Variants in TSHZ2 observed in about 807,000 individuals in gnomAD.
The protein encoded by TSHZ2 is teashirt zinc finger homeobox 2.
TSHZ2 carries 21 observed loss-of-function variants against 74.4 expected under a neutral mutation model. That is an observed-to-expected ratio of 0.28 (90% CI 0.20 to 0.41). The LOEUF is 0.41. TSHZ2 is among the 10% of genes least tolerant of loss of function. TSHZ2 has a pLI of 1.00. For synonymous variants in TSHZ2, 540 were observed against 515.3 expected (o/e 1.05, Z -0.65); for missense variants, 1,244 against 1,293.5 (o/e 0.96, Z 0.59).
chr20:53,033,017 A>G (rs1231215602), intron 1 of TSHZ2, among the ~76,000 whole-genome samples: 1 of 152,220 alleles, frequency 6.6e-6, no homozygotes, highest in Non-Finnish European at 1.5e-5. Flanking sequence ...ATAAGCTTTC[A>G]GATACTAGAA....
chr20:53,459,335 CT>C (rs1303293841), intron 2 of TSHZ2, among the ~76,000 whole-genome samples: 1 of 152,084 alleles, frequency 6.6e-6, no homozygotes, highest in Non-Finnish European at 1.5e-5. Flanking sequence ...CTCTTTTGAT[CT>C]TTGTTGGTTT....
At chr20:52,998,727 T>A (rs1051742616) in intron 1 of TSHZ2, among the ~76,000 whole-genome samples, 9 of 152,220 alleles carry the variant, frequency 5.9e-5, no homozygotes, top group Non-Finnish European at 7.3e-5. Flanking sequence ...TCCAGTTTTA[T>A]GACTCCCACC....
chr20:53,323,562 G>GTTT (rs1979361508), intron 2 of TSHZ2, among the ~76,000 whole-genome samples: 8 of 64,122 alleles, frequency 1.2e-4, no homozygotes, highest in South Asian at 4.6e-4. Flanking sequence ...GCCTTGGAGG[G>GTTT]CTTTTTTTTT....
chr20:53,054,068 A>G (rs1167975808), intron 1 of TSHZ2, among the ~76,000 whole-genome samples: 2 of 152,206 alleles, frequency 1.3e-5, no homozygotes, highest in African/African-American at 4.8e-5. Context: ...TTGAAAAGAC[A>G]TCGAAGTCAG....
At chr20:52,994,742 C>G (rs1982118760) in intron 1 of TSHZ2, among the ~76,000 whole-genome samples, 1 of 152,118 alleles carries the variant, frequency 6.6e-6, no homozygotes, top group African/African-American at 2.4e-5. Flanking sequence ...GTTGGCCACT[C>G]TGAGTGTTTT....
chr20:53,297,691 T>C (rs1991405685), intron 2 of TSHZ2, among the ~76,000 whole-genome samples: 1 of 152,228 alleles, frequency 6.6e-6, no homozygotes, highest in Non-Finnish European at 1.5e-5. Flanking sequence ...ATTTATTAAC[T>C]CTATGACCTT....
intron 2 of TSHZ2, among the ~76,000 whole-genome samples, chr20:53,444,622 C>T (rs1050644785): frequency 2.0e-5 from 3 of 152,200 alleles, no homozygotes; most frequent in African/African-American, 7.2e-5. Context: ...CGTAAGTAAA[C>T]ACTGAAAGCC....
chr20:53,014,208 A>C (rs903369630), intron 1 of TSHZ2, among the ~76,000 whole-genome samples: 1 of 151,936 alleles, frequency 6.6e-6, no homozygotes, highest in Admixed American at 6.6e-5. Context: ...AGAGAGAGAG[A>C]GAGAGAGAGA....
chr20:53,412,209 T>C (rs1469005689), intron 2 of TSHZ2, among the ~76,000 whole-genome samples: 1 of 152,052 alleles, frequency 6.6e-6, no homozygotes, highest in Non-Finnish European at 1.5e-5. Context: ...AGGCACCCAG[T>C]GGGAAATTGG....
chr20:53,179,206 C>A (rs1170362476), intron 1 of TSHZ2: 1 of 151,380 alleles, frequency 6.6e-6, no homozygotes, highest in African/African-American at 2.4e-5. Context: ...TTGAGTGTTT[C>A]TTTCTCATTT....
Position 53,253,481 on chromosome 20 carries a change from C to T in TSHZ2, c.41-18C>T, listed in dbSNP as rs777402507. ...GGAGCCTGTTACTGTCGTTTCATCTCTTCTTCTTCTCTTGCAGGCTACGCC... is the reference window on the plus strand; with the variant it reads ...GGAGCCTGTTACTGTCGTTTCATCTTTTCTTCTTCTCTTGCAGGCTACGCC... On this transcript the variant is annotated intron_variant, in intron 1 of 2. Transcript: ENST00000371497. The T allele has an allele frequency of 1.3e-6, 2 of 1,575,602 alleles. No homozygotes were observed. Among genetic ancestry groups the T allele is most frequent in the Admixed American group, 1.8e-5 (1 of 55,608 alleles).
chr20:53,387,978 G>T (rs920765532), intron 2 of TSHZ2, among the ~76,000 whole-genome samples: 3 of 151,838 alleles, frequency 2.0e-5, no homozygotes, highest in Admixed American at 1.3e-4. Flanking sequence ...GAACCTGGGA[G>T]GCAGAGGTTG....
At chr20:53,161,829 ATAT>A (rs1421719748) in intron 1 of TSHZ2, among the ~76,000 whole-genome samples, 2 of 152,210 alleles carry the variant, frequency 1.3e-5, no homozygotes, top group African/African-American at 4.8e-5. Context: ...TAAATGAGTG[ATAT>A]TATTTGAGTT....
intron 1 of TSHZ2, among the ~76,000 whole-genome samples, chr20:53,183,102 G>C (rs1199542263): frequency 6.6e-6 from 1 of 152,148 alleles, no homozygotes; most frequent in East Asian, 1.9e-4. Context: ...CTGGATCCCT[G>C]GCAGCTGAGA....
At chr20:53,320,358 A>G (rs886132963) in intron 2 of TSHZ2, among the ~76,000 whole-genome samples, 3 of 152,242 alleles carry the variant, frequency 2.0e-5, no homozygotes. Flanking sequence ...GGTCCTGTCT[A>G]GAAACACTAT....
At chr20:53,099,464 A>G (rs4142243) in intron 1 of TSHZ2, among the ~76,000 whole-genome samples, 13,152 of 50,914 alleles carry the variant, frequency 0.26, 1,265 homozygotes, top group African/African-American at 0.52. Context: ...CATTTGCTAC[A>G]ACCTGTTTCT....
rs545980229 is a variant in TSHZ2, at chr20:53,039,270, A to C, written c.40+65937A>C. On this transcript the variant is annotated intron_variant, in intron 1 of 2. Transcript: ENST00000371497. ...ACCTACCCCGATCATCTGATTAAAA[A>C]TACTCCCTGTTCCCAGCCATCCTTG... is the stretch of plus-strand genomic sequence containing the variant. 1.7e-4 allele frequency among the ~76,000 whole-genome samples: 25 copies of C among 150,946 alleles called. No homozygotes were observed. The East Asian group carries it at 5.0e-3, about 30-fold the overall frequency.
chr20:53,034,640 A>G (rs544130569), intron 1 of TSHZ2, among the ~76,000 whole-genome samples: 1 of 152,366 alleles, frequency 6.6e-6, no homozygotes, highest in African/African-American at 2.4e-5. Context: ...GGAACATGAA[A>G]ACAGTTACCA....
In TSHZ2 at chr20:53,469,045, TTATATATA is replaced by T. The variant is rs143724013; in HGVS notation, c.*9-18067_*9-18060del. Among the ~76,000 whole-genome samples the T allele has an allele frequency of 6.1e-3, 302 of 49,120 alleles. 5 individuals are homozygous for T. The highest frequency in any genetic ancestry group is 0.012 in the African/African-American group (212 of 17,226). The allele number at this position is 49,120 out of a possible 152,430, so 32.2% of individuals were successfully genotyped here. ...ACCTAAAGGCTCTGAAATCGATATT[TTATATATA>T]TATATATATATATATATATATATAT... On this transcript the variant is annotated intron_variant, in intron 2 of 2. Transcript: ENST00000371497.
Sources: gnomAD v4.1 joint callset for allele counts (sites outside exome capture counted in the v4.1 genomes callset) on GRCh38, gnomAD v4.1.1 for gene constraint, MANE v1.5 for transcripts, NCBI Gene and HGNC (gene_info 2026-07-23, HGNC 2026-07-21) for gene names.